SS18L1: variants seen among roughly 807,000 people sequenced by gnomAD.
The protein encoded by SS18L1 is SS18L1 subunit of BAF chromatin remodeling complex, also known as calcium-responsive transactivator.
Under a neutral mutation model 70.3 loss-of-function variants are expected in SS18L1, and 32 were observed. The observed-to-expected ratio is 0.46, with a 90% CI of 0.34 to 0.61. The LOEUF (loss-of-function observed/expected upper bound fraction) is 0.61. Ranked by LOEUF, SS18L1 falls within the 20% of genes least tolerant of loss-of-function variation. SS18L1 has a pLI of 0.01. For missense variants in SS18L1, 430 were observed against 542.1 expected (o/e 0.79, Z 2.05); for synonymous variants, 237 against 229.7 (o/e 1.03, Z -0.29).
At chr20:62,165,258 G>A (rs536925167) in intron 7 of SS18L1, among the ~76,000 whole-genome samples, 164 bp from the exon 8 acceptor site, 5 of 152,298 alleles carry the variant, frequency 3.3e-5, no homozygotes, top group African/African-American at 9.6e-5. Flanking sequence ...TGGGGAGGCC[G>A]AGGCTCAGGA....
At position 62,161,385 on chromosome 20, in the gene SS18L1, C is replaced by G. The variant is rs2057326596; in HGVS notation, c.232-51C>G. The G allele has an allele frequency of 6.2e-7, 1 of 1,611,986 alleles. No individual in the cohort carries two copies. The highest frequency in any genetic ancestry group is 8.5e-7 in the Non-Finnish European group (1 of 1,179,750). On this transcript the variant is annotated intron_variant, in intron 3 of 10. Coordinates refer to ENST00000331758, the MANE Select transcript of SS18L1 (RefSeq NM_198935.3). The surrounding 1 kb of genome is among the most constrained non-coding windows in gnomAD (Gnocchi z 4.4). The stretch of plus-strand genomic sequence containing the variant: ...CATCCCTGGCCTGGCTTGTGGAGGT[C>G]GCTCTCCGTAAATTAACCGTTTTTC...
chr20:62,146,588 G>T (rs981073899), intron 1 of SS18L1, among the ~76,000 whole-genome samples: 1 of 140,844 alleles, frequency 7.1e-6, no homozygotes, highest in African/African-American at 2.7e-5. Flanking sequence ...TGCATCCAGC[G>T]TGTCTCTGCT....
chr20:62,155,237 C>CCAA (rs927925467), intron 1 of SS18L1, among the ~76,000 whole-genome samples: 3 of 151,854 alleles, frequency 2.0e-5, no homozygotes, highest in African/African-American at 7.3e-5. Context: ...CCTGTCTCTA[C>CCAA]CAACAACAAC....
Position 62,174,319 on chromosome 20 carries a change from G to A in SS18L1, c.1037-198G>A, listed in dbSNP as rs547102171. Among the ~76,000 whole-genome samples, 65 of 150,492 alleles carry A rather than the reference G, an allele frequency of 4.3e-4. No homozygotes were observed. The South Asian group carries it at 7.9e-3, about 18-fold the overall frequency. On this transcript the variant is annotated intron_variant, in intron 9 of 10. Transcript: ENST00000331758. The surrounding 1 kb of genome is among the most constrained non-coding windows in gnomAD (Gnocchi z 4.1). ...CTGGAGGGGCTGGTGAGTCGGTTAC[G>A]TGGTGCTCTCGCTGTACAGAGTTAA...
Position 62,163,483 on chromosome 20 carries a change from C to A in SS18L1, c.582C>A (p.Ala194=). 6.2e-7 allele frequency: 1 copy of A among 1,612,268 alleles called. No individual in the cohort carries two copies. The highest frequency in any genetic ancestry group is 8.5e-7 in the Non-Finnish European group (1 of 1,179,870). The part of the protein sequence containing the change: ...NPVSMMQQQA[A]TSHYSSAQGG... ...TCTCCATGATGCAGCAGCAGGCGGC[C>A]ACGTCGCACTACAGCTCGGCGCAGG... The change falls in exon 6 of 11, where the codon GCC becomes GCA. Residue 194 remains alanine (A), a synonymous_variant. Coordinates refer to ENST00000331758, the MANE Select transcript of SS18L1 (RefSeq NM_198935.3).
At chr20:62,175,974 G>A (rs2145789592) in intron 10 of SS18L1, among the ~76,000 whole-genome samples, 1 of 152,368 alleles carries the variant, frequency 6.6e-6, no homozygotes. Flanking sequence ...TGTGTGCTGG[G>A]CGCTGGTCAG....
rs755962344 is a variant in SS18L1 at position 62,143,815 on chromosome 20, G to A, written c.-6G>A. ...ATGACCACGGGCTGAGCCCCGCGCC[G>A]CCACCATGTCCGTGGCCTTCGCGTC... is the stretch of plus-strand genomic sequence containing the variant. On this transcript the variant is annotated 5_prime_UTR_variant, in exon 1 of 11. Coordinates refer to ENST00000331758, the MANE Select transcript of SS18L1 (RefSeq NM_198935.3). 9.7e-6 allele frequency: 13 copies of A among 1,344,554 alleles called. No homozygotes were observed. In the South Asian group the frequency reaches 1.0e-4, roughly 11 times the overall value. The allele number at this position is 1,344,554 out of a possible 1,614,324, so 83.3% of individuals were successfully genotyped here.
At chr20:62,151,922 G>T in intron 1 of SS18L1, among the ~76,000 whole-genome samples, 1 of 105,928 alleles carries the variant, frequency 9.4e-6, no homozygotes, top group Non-Finnish European at 1.8e-5. Context: ...GGCCTCCCCC[G>T]TTCTCCTCTT....
In SS18L1 at chr20:62,182,187, C is replaced by G. The variant is rs2057721544; in HGVS notation, c.*2979C>G. 1 of 222,714 alleles carries G rather than the reference C, an allele frequency of 4.5e-6. No homozygotes were observed. The highest frequency in any genetic ancestry group is 9.0e-6 in the Non-Finnish European group (1 of 111,542). The allele number at this position is 222,714 out of a possible 1,614,324, so 13.8% of individuals were successfully genotyped here. On this transcript the variant is annotated 3_prime_UTR_variant, in exon 11 of 11. Transcript: ENST00000331758. ...ATCTGAAAAGAAACCTTAATACGCTCATATGGTTGGAGTGTTAAGTGAACC... is the reference window on the plus strand; with the variant it reads ...ATCTGAAAAGAAACCTTAATACGCTGATATGGTTGGAGTGTTAAGTGAACC...
intron 10 of SS18L1, among the ~76,000 whole-genome samples, chr20:62,177,945 C>T (rs1601065221): frequency 6.6e-6 from 1 of 151,486 alleles, no homozygotes; most frequent in African/African-American, 2.4e-5. Flanking sequence ...TGGTCTCGAG[C>T]TCCTGACCTC....
chr20:62,179,568 T>G lies in SS18L1; in HGVS notation c.*360T>G, dbSNP rs150636493. 114 of 343,738 alleles carry G rather than the reference T, an allele frequency of 3.3e-4. No individual in the cohort carries two copies. The East Asian group carries it at 5.2e-3, about 16-fold the overall frequency. 21.3% of individuals were successfully genotyped at this position (343,738 alleles called of 1,614,324 possible). A position where few individuals can be genotyped will look rare whatever the true frequency, so the allele number is the denominator to read the frequency against. On this transcript the variant is annotated 3_prime_UTR_variant, in exon 11 of 11. Coordinates refer to ENST00000331758, the MANE Select transcript of SS18L1 (RefSeq NM_198935.3). ...AGGACAGATCTCGAGGACACCACAG[T>G]CCACCTGTTCCCGTCAACAGACGTT... is the stretch of plus-strand genomic sequence containing the variant.
rs201677571 is a variant in SS18L1, at chr20:62,167,038, G to GTTTT, written c.916+1527_916+1528insTTTT. Among the ~76,000 whole-genome samples, 140 of 110,924 alleles carry GTTTT rather than the reference G, an allele frequency of 1.3e-3. 2 individuals carry two copies. Among genetic ancestry groups the GTTTT allele is most frequent in the African/African-American group, 6.0e-3 (129 of 21,538 alleles). The allele number at this position is 110,924 out of a possible 152,430, so 72.8% of individuals were successfully genotyped here. On this transcript the variant is annotated intron_variant, in intron 8 of 10. Transcript: ENST00000331758. ...GAGGATTGCTTGAGCTCAGGAGTTT[G>GTTTT]TTTGTTTTTTTTTTTTTTTTTTTTT...
intron 10 of SS18L1, among the ~76,000 whole-genome samples, chr20:62,178,047 T>C (rs1310079881): frequency 7.4e-6 from 1 of 135,382 alleles, no homozygotes; most frequent in Admixed American, 7.7e-5. Context: ...TAAGACAGGG[T>C]CTCACTCTGT....
At chr20:62,157,162 G>T (rs746812300) in intron 1 of SS18L1, among the ~76,000 whole-genome samples, 1 of 152,172 alleles carries the variant, frequency 6.6e-6, no homozygotes, top group African/African-American at 2.4e-5. Flanking sequence ...TGGGCGTCCT[G>T]TGTGGTGTCT....
At chr20:62,150,033 C>G (rs2057099053) in intron 1 of SS18L1, among the ~76,000 whole-genome samples, 1 of 152,254 alleles carries the variant, frequency 6.6e-6, no homozygotes, top group Non-Finnish European at 1.5e-5. Context: ...GGCGGCTGCT[C>G]TTGTGTCTGT....
rs139799655 is a variant in SS18L1 at position 62,148,173 on chromosome 20, C to T, written c.69+4284C>T. Among the ~76,000 whole-genome samples, 214 of 152,378 alleles carry T rather than the reference C, an allele frequency of 1.4e-3. 2 individuals carry two copies. The highest frequency in any genetic ancestry group is 0.012 in the Admixed American group (185 of 15,314). ...ATAGGGGGGTTGGGTCCCCTCATTC[C>T]GGAGCCTGGGCTCAGCCCCGGGGAG... On this transcript the variant is annotated intron_variant, in intron 1 of 10. Coordinates refer to ENST00000331758, the MANE Select transcript of SS18L1 (RefSeq NM_198935.3).
chr20:62,150,828 G>C (rs2057116502), intron 1 of SS18L1, among the ~76,000 whole-genome samples: 1 of 150,838 alleles, frequency 6.6e-6, no homozygotes, highest in African/African-American at 2.5e-5. Context: ...GCTGTGTGGA[G>C]CAGCGGGAGC....
At chr20:62,170,742 C>G (rs12481090) in intron 8 of SS18L1, among the ~76,000 whole-genome samples, 21 of 152,268 alleles carry the variant, frequency 1.4e-4, no homozygotes, top group Admixed American at 2.0e-4. Context: ...CCAGTTCCCA[C>G]TAGATCGCCT....
chr20:62,158,811 C>T lies in SS18L1; in HGVS notation c.146+63C>T. The T allele has an allele frequency of 6.2e-7, 1 of 1,612,424 alleles. No homozygotes were observed. Among genetic ancestry groups the T allele is most frequent in the African/African-American group, 1.3e-5 (1 of 75,022 alleles). On this transcript the variant is annotated intron_variant, in intron 2 of 10. Transcript: ENST00000331758. This position sits in a 1 kb window ranked among gnomAD's most constrained non-coding sequence, Gnocchi z 4.5. ...TCATGCAGAGTCTAAGCACAGAGGCCAGATACGTCCCAAGAGTCCCCCAGC... is the reference window on the plus strand; with the variant it reads ...TCATGCAGAGTCTAAGCACAGAGGCTAGATACGTCCCAAGAGTCCCCCAGC...
Sources: gnomAD v4.1 joint callset for allele counts (sites outside exome capture counted in the v4.1 genomes callset) on GRCh38, gnomAD v4.1.1 for gene constraint, Gnocchi (gnomAD v3.1) non-coding constraint, MANE v1.5 for transcripts, NCBI Gene and HGNC (gene_info 2026-07-23, HGNC 2026-07-21) for gene names.